Variants in RAPGEF1 observed in about 807,000 individuals in gnomAD.
The protein encoded by RAPGEF1 is Rap guanine nucleotide exchange factor 1.
Under a neutral mutation model 143.3 loss-of-function variants are expected in RAPGEF1, and 33 were observed. The ratio of observed to expected loss-of-function variants is 0.23; its 90% CI spans 0.17 to 0.31. The LOEUF (loss-of-function observed/expected upper bound fraction) is 0.31. Ranked by LOEUF, RAPGEF1 falls within the 10% of genes least tolerant of loss-of-function variation. RAPGEF1 has a pLI of 1.00. For missense variants in RAPGEF1, 1,199 were observed against 1,645.4 expected (o/e 0.73, Z 4.69); for synonymous variants, 629 against 676.5 (o/e 0.93, Z 1.09).
chr9:131,619,134 C>CG lies in RAPGEF1; in HGVS notation c.1977dup (p.Glu660ArgfsTer15). ...AGGCCCTGAGCGGCACTGCCGTCCTCGGGGGTGAAGGCCACTTTAGTTTGC... is the reference window on the plus strand; with the variant it reads ...AGGCCCTGAGCGGCACTGCCGTCCTCGGGGGGTGAAGGCCACTTTAGTTTGC... On this transcript the variant is annotated frameshift_variant, in exon 12 of 27. Transcript: ENST00000683357. LOFTEE classifies it high-confidence loss of function. The CG allele has an allele frequency of 7.5e-7, 1 of 1,330,950 alleles. No individual in the cohort carries two copies. Among genetic ancestry groups the CG allele is most frequent in the Non-Finnish European group, 1.0e-6 (1 of 1,004,610 alleles). The allele number at this position is 1,330,950 out of a possible 1,614,324, so 82.4% of individuals were successfully genotyped here.
chr9:131,670,348 GGA>G (rs1831169597), intron 1 of RAPGEF1, among the ~76,000 whole-genome samples: 1 of 152,064 alleles, frequency 6.6e-6, no homozygotes. Flanking sequence ...GGCTTGGCTA[GGA>G]TCACCACCAT....
At chr9:131,630,452 C>T (rs531441876) in intron 5 of RAPGEF1, 128 bp from the exon 6 acceptor site, 8 of 845,146 alleles carry the variant, frequency 9.5e-6, no homozygotes, top group South Asian at 7.8e-5. Context: ...TCCCCACGCA[C>T]CATAAACGCA....
intron 1 of RAPGEF1, among the ~76,000 whole-genome samples, chr9:131,714,108 C>G (rs1428001543): frequency 6.6e-6 from 1 of 151,900 alleles, no homozygotes; most frequent in Non-Finnish European, 1.5e-5. Flanking sequence ...CCTCAAACTC[C>G]TAGGCTCAAG....
intron 6 of RAPGEF1, among the ~76,000 whole-genome samples, chr9:131,629,517 G>C (rs1314563005): frequency 1.3e-5 from 2 of 152,240 alleles, no homozygotes; most frequent in African/African-American, 4.8e-5. Flanking sequence ...CAGGCCGGGC[G>C]CAGTGGCTCA....
intron 1 of RAPGEF1, among the ~76,000 whole-genome samples, chr9:131,728,960 C>T (rs1454214723): frequency 3.3e-5 from 5 of 152,160 alleles, no homozygotes; most frequent in Non-Finnish European, 5.9e-5. Flanking sequence ...GAGAGTTAGA[C>T]AAGACAGAGT....
chr9:131,602,218 T>C (rs917719904), intron 14 of RAPGEF1, 69 bp from the exon 15 acceptor site: 40 of 1,203,592 alleles, frequency 3.3e-5, no homozygotes, highest in Non-Finnish European at 4.5e-5. Context: ...CTTCCCAGCA[T>C]TCCTGCCTGC....
chr9:131,701,211 T>C (rs1481431038), intron 1 of RAPGEF1, among the ~76,000 whole-genome samples: 1 of 152,246 alleles, frequency 6.6e-6, no homozygotes, highest in East Asian at 1.9e-4. Flanking sequence ...CACGGAAATG[T>C]ATTTTACGCA....
chr9:131,662,906 T>A (rs914915674), intron 1 of RAPGEF1, among the ~76,000 whole-genome samples: 11 of 152,092 alleles, frequency 7.2e-5, no homozygotes, highest in Non-Finnish European at 1.3e-4. Context: ...TGGGCTCAAG[T>A]GATCCTCTTG....
chr9:131,727,330 C>T (rs914278611), intron 1 of RAPGEF1, among the ~76,000 whole-genome samples: 6 of 152,140 alleles, frequency 3.9e-5, no homozygotes, highest in African/African-American at 9.7e-5. Flanking sequence ...GAAACATGTC[C>T]ACACATAATG....
intron 3 of RAPGEF1, among the ~76,000 whole-genome samples, chr9:131,649,832 T>A (rs1970636016): frequency 6.6e-6 from 1 of 152,110 alleles, no homozygotes; most frequent in Non-Finnish European, 1.5e-5. Context: ...TCTTGAGAGA[T>A]GAGACTCGCC....
intron 1 of RAPGEF1, among the ~76,000 whole-genome samples, chr9:131,693,088 A>T (rs1376300464): frequency 1.3e-5 from 2 of 152,220 alleles, no homozygotes; most frequent in Admixed American, 6.5e-5. Context: ...CCTCTCAAAA[A>T]AGTCTTAAAT....
rs116023535 is a variant in RAPGEF1 at position 131,727,745 on chromosome 9, A to G, written c.61+12025T>C. Among the ~76,000 whole-genome samples, 762 of 152,332 alleles carry G rather than the reference A, an allele frequency of 5.0e-3. 8 individuals are homozygous for G. Among genetic ancestry groups the G allele is most frequent in the African/African-American group, 0.017 (721 of 41,574 alleles). On this transcript the variant is annotated intron_variant, in intron 1 of 26. Coordinates refer to ENST00000683357, the MANE Select transcript of RAPGEF1 (RefSeq NM_001377935.1). ...CCCTAGCCCAATTCTTACTTGTCAA[A>G]TATAAAAGCTTCATTCTACAACCTT...
rs1056511166 is a variant in RAPGEF1 at position 131,641,517 on chromosome 9, C to G, written c.494+1722G>C. ...CCTGTAACTCTCCCTTCTTCAAACT[C>G]CAACACAGCTTCCTCCCTGTACCGT... On this transcript the variant is annotated intron_variant, in intron 4 of 26. Transcript: ENST00000683357. The surrounding 1 kb of genome is among the most constrained non-coding windows in gnomAD (Gnocchi z 4.6). Among the ~76,000 whole-genome samples the G allele has an allele frequency of 4.6e-5, 7 of 152,212 alleles. No homozygotes were observed. The highest frequency in any genetic ancestry group is 1.7e-4 in the African/African-American group (7 of 41,462).
At chr9:131,677,904 A>G (rs1832563521) in intron 1 of RAPGEF1, among the ~76,000 whole-genome samples, 1 of 152,266 alleles carries the variant, frequency 6.6e-6, no homozygotes. Flanking sequence ...TCCTAAGTCA[A>G]AACTACATCA....
At chr9:131,689,904 A>C (rs563091700) in intron 1 of RAPGEF1, among the ~76,000 whole-genome samples, 37 of 152,332 alleles carry the variant, frequency 2.4e-4, no homozygotes, top group Non-Finnish European at 4.4e-4. Flanking sequence ...GTTGTTTCTA[A>C]ATAAGTTAAA....
Position 131,685,871 on chromosome 9 carries a change from C to T in RAPGEF1, c.62-34922G>A, listed in dbSNP as rs149424529. ...GCGAATTCAGCTACGTGCATTTGGA[C>T]AAACAGAGAGGCAGGGCAGGGCAAG... On this transcript the variant is annotated intron_variant, in intron 1 of 26. Coordinates refer to ENST00000683357, the MANE Select transcript of RAPGEF1 (RefSeq NM_001377935.1). 3.1e-3 allele frequency among the ~76,000 whole-genome samples: 468 copies of T among 152,218 alleles called. 2 individuals carry two copies. Among genetic ancestry groups the T allele is most frequent in the Admixed American group, 6.7e-3 (102 of 15,296 alleles).
At chr9:131,615,304 G>A (rs964128926) in intron 12 of RAPGEF1, among the ~76,000 whole-genome samples, 1 of 152,176 alleles carries the variant, frequency 6.6e-6, no homozygotes, top group Non-Finnish European at 1.5e-5. Flanking sequence ...TTGATTTCCT[G>A]ACCTCGTGAT....
rs1830293221 is a variant in RAPGEF1, at chr9:131,665,559, T to C, written c.62-14610A>G. Among the ~76,000 whole-genome samples the C allele has an allele frequency of 5.3e-5, 8 of 152,208 alleles. No homozygotes were observed. The South Asian group carries it at 1.7e-3, about 32-fold the overall frequency. On this transcript the variant is annotated intron_variant, in intron 1 of 26. Transcript: ENST00000683357. ...CTTATAAGAGCTAAGTCTCGCTATG[T>C]CACCCTTCTGTTTGAAAACCTCTGA... is the stretch of plus-strand genomic sequence containing the variant.
At chr9:131,615,236 C>T (rs2132711789) in intron 12 of RAPGEF1, among the ~76,000 whole-genome samples, 1 of 152,314 alleles carries the variant, frequency 6.6e-6, no homozygotes, top group East Asian at 1.9e-4. Context: ...CCATGCCTGG[C>T]TAATTTTTTT....
Sources: allele counts gnomAD v4.1 joint callset (sites outside exome capture counted in the v4.1 genomes callset), GRCh38; gene constraint gnomAD v4.1.1; non-coding constraint Gnocchi (gnomAD v3.1); transcripts MANE v1.5; gene names NCBI Gene and HGNC (gene_info 2026-07-23, HGNC 2026-07-21).